The following ADAMTS2 variants were observed in gnomAD, a reference collection of about 807,000 sequenced individuals.
The protein encoded by ADAMTS2 is A disintegrin and metalloproteinase with thrombospondin motifs 2.
In ADAMTS2, 50 loss-of-function variants were observed where a neutral mutation model predicts 123.0. The ratio of observed to expected loss-of-function variants is 0.41; its 90% confidence interval spans 0.32 to 0.51. The LOEUF is 0.51. ADAMTS2 is among the 20% of genes least tolerant of loss of function. The pLI is 0.35. For missense variants in ADAMTS2, 1,494 were observed against 1,705.2 expected, an observed-to-expected ratio of 0.88 and a Z score of 2.18; for synonymous variants, 678 against 695.4, an observed-to-expected ratio of 0.98 and a Z score of 0.39.
At chr5:179,179,985 G>A (rs1764009794) in intron 5 of ADAMTS2, among the ~76,000 whole-genome samples, 1 of 152,160 alleles carries the variant, frequency 6.6e-6, no homozygotes, top group African/African-American at 2.4e-5. Context: ...GTCTGGGTAA[G>A]AAGCCTGACT....
chr5:179,210,009 G>A (rs1192213221), intron 3 of ADAMTS2, among the ~76,000 whole-genome samples: 3 of 152,220 alleles, frequency 2.0e-5, no homozygotes, highest in African/African-American at 2.4e-5. Context: ...TTGAGGTCAC[G>A]TGGTGCCATC....
intron 3 of ADAMTS2, among the ~76,000 whole-genome samples, chr5:179,263,061 G>A (rs1438272196): frequency 1.4e-5 from 2 of 147,232 alleles, no homozygotes; most frequent in African/African-American, 5.1e-5. Context: ...ATGATTTGGG[G>A]AGCAGCATTA....
chr5:179,266,493 C>T (rs574843228), intron 3 of ADAMTS2, among the ~76,000 whole-genome samples: 72 of 152,290 alleles, frequency 4.7e-4, no homozygotes, highest in African/African-American at 1.6e-3. Context: ...TGGGAGGGGC[C>T]AGGAATGGAT....
chr5:179,167,610 C>G (rs1183604018), intron 5 of ADAMTS2, among the ~76,000 whole-genome samples: 1 of 152,160 alleles, frequency 6.6e-6, no homozygotes, highest in Non-Finnish European at 1.5e-5. Flanking sequence ...GCTCTGCCTG[C>G]TGGGCAAGGC....
rs1766073104 is a variant in ADAMTS2 at position 179,257,000 on chromosome 5, G to A, written c.688+15911C>T. Reference sequence around the variant, plus strand: ...AGGCCAGGCCCACACTGGCGGCCCCGGCTGCCTGGCCCATCACTGGGGTCA... The same window carrying A: ...AGGCCAGGCCCACACTGGCGGCCCCAGCTGCCTGGCCCATCACTGGGGTCA... On this transcript the variant is annotated intron_variant, in intron 3 of 21. Transcript: ENST00000251582. The surrounding 1 kb of genome is among the most constrained non-coding windows in gnomAD (Gnocchi z 4.1). Among the ~76,000 whole-genome samples, 2 of 152,226 alleles carry A rather than the reference G, an allele frequency of 1.3e-5. No homozygotes were observed. Among genetic ancestry groups the A allele is most frequent in the South Asian group, 2.1e-4 (1 of 4,828 alleles).
chr5:179,126,123 C>T lies in ADAMTS2; in HGVS notation c.2625G>A (p.Gln875=), dbSNP rs1230245387. The T allele has an allele frequency of 6.2e-7, 1 of 1,613,284 alleles. No homozygotes were observed. Among genetic ancestry groups the T allele is most frequent in the Middle Eastern group, 1.6e-4 (1 of 6,062 alleles). The stretch of plus-strand genomic sequence containing the variant: ...TCCGGCGGCAGCCATACTTGGTGAA[C>T]TGGGACCCTGAAGGCAGAGAGCTCG... ...PCSKPCGGGS[Q]FTKYGCRRRL... The change falls in exon 18 of 22, where the codon CAG becomes CAA. Residue 875 remains glutamine, a synonymous_variant. Transcript: ENST00000251582.
At position 179,182,608 on chromosome 5, in the gene ADAMTS2, G is replaced by A. The variant is rs569134506; in HGVS notation, c.892-1453C>T. On this transcript the variant is annotated intron_variant, in intron 4 of 21. Coordinates refer to ENST00000251582, the MANE Select transcript of ADAMTS2 (RefSeq NM_014244.5). ...GCTGGGAACAAAGATGGCACCGATC[G>A]TGGGGCAGAGTTCATGACATGTGGA... Among the ~76,000 whole-genome samples the A allele has an allele frequency of 2.7e-3, 409 of 152,268 alleles. 3 individuals carry two copies. Among genetic ancestry groups the A allele is most frequent in the African/African-American group, 9.4e-3 (391 of 41,546 alleles).
chr5:179,311,538 C>T (rs1332884463), intron 2 of ADAMTS2, among the ~76,000 whole-genome samples: 1 of 152,212 alleles, frequency 6.6e-6, no homozygotes, highest in Non-Finnish European at 1.5e-5. Flanking sequence ...TCGCCCACTT[C>T]CTTGTAAGAT....
Position 179,162,562 on chromosome 5 carries a change from C to T in ADAMTS2, c.976-3683G>A, listed in dbSNP as rs542740155. ...GCTGTTGCACACCATACCGTATGGG[C>T]CCCTCCTGGGGCCGTCACCCATGTC... On this transcript the variant is annotated intron_variant, in intron 5 of 21. Transcript: ENST00000251582. The surrounding 1 kb of genome is among the most constrained non-coding windows in gnomAD (Gnocchi z 5.1). 2.6e-5 allele frequency among the ~76,000 whole-genome samples: 4 copies of T among 152,296 alleles called. No homozygotes were observed. Among genetic ancestry groups the T allele is most frequent in the East Asian group, 3.9e-4 (2 of 5,174 alleles).
At chr5:179,336,916 G>A (rs1757628728) in intron 2 of ADAMTS2, among the ~76,000 whole-genome samples, 1 of 152,200 alleles carries the variant, frequency 6.6e-6, no homozygotes, top group African/African-American at 2.4e-5. Context: ...GAGCCTGCCT[G>A]GCTTCAGCAG....
rs141654276 is a variant in ADAMTS2 at position 179,126,028 on chromosome 5, G to A, written c.2720C>T (p.Ala907Val). The A allele has an allele frequency of 1.2e-5, 20 of 1,613,336 alleles. No homozygotes were observed. The African/African-American group carries it at 2.0e-4, about 16-fold the overall frequency. The change falls in exon 18 of 22, where the codon GCG becomes GTG. Residue 907 changes from alanine to valine, a missense_variant. Physicochemically the swap from Ala to Val is moderately conservative, Grantham distance 64 (BLOSUM62 0). Transcript: ENST00000251582. ...CTGGGAGCATTCCTGTGGGTTGCAC[G>A]CTCTGCGGATGGCTTTGGGCTTCGA... ...ALSKPKAIRRACNPQECSQPV... is the reference protein window; with the variant it reads ...ALSKPKAIRRVCNPQECSQPV...
intron 3 of ADAMTS2, among the ~76,000 whole-genome samples, chr5:179,252,805 GTTTT>G (rs1408366497): frequency 6.6e-6 from 1 of 152,088 alleles, no homozygotes; most frequent in Admixed American, 6.6e-5. Context: ...TCTGTGCTGG[GTTTT>G]TTGTCTACTT....
chr5:179,277,085 G>A (rs554160937), intron 2 of ADAMTS2, among the ~76,000 whole-genome samples: 2 of 152,082 alleles, frequency 1.3e-5, no homozygotes, highest in African/African-American at 2.4e-5. Context: ...TCCTGGAAGG[G>A]CACCCCTGCA....
chr5:179,152,114 C>G lies in ADAMTS2; in HGVS notation c.1629+28G>C, dbSNP rs1386003696. 1.9e-6 allele frequency: 3 copies of G among 1,596,622 alleles called. No homozygotes were observed. In the South Asian group the frequency reaches 3.3e-5, roughly 18 times the overall value. On this transcript the variant is annotated intron_variant, in intron 10 of 21. Coordinates refer to ENST00000251582, the MANE Select transcript of ADAMTS2 (RefSeq NM_014244.5). ...AGATTCCTGTCCTCTGCCCTGCTGC[C>G]CTCCAAGAGCCCTTGATGCTGCCTC...
chr5:179,235,377 G>A (rs1474393146), intron 3 of ADAMTS2, among the ~76,000 whole-genome samples: 1 of 152,224 alleles, frequency 6.6e-6, no homozygotes, highest in Non-Finnish European at 1.5e-5. Flanking sequence ...AGCATGAAAT[G>A]CTCAGGGTGT....
At chr5:179,329,140 A>C (rs944060752) in intron 2 of ADAMTS2, among the ~76,000 whole-genome samples, 1 of 151,958 alleles carries the variant, frequency 6.6e-6, no homozygotes, top group African/African-American at 2.4e-5. Context: ...ATCCTGGCTA[A>C]CACGGTGAAA....
rs550659291 is a variant in ADAMTS2 at position 179,114,948 on chromosome 5, A to G, written c.3179-624T>C. 1.4e-4 allele frequency among the ~76,000 whole-genome samples: 22 copies of G among 152,332 alleles called. No individual in the cohort carries two copies. In the East Asian group the frequency reaches 3.9e-3, roughly 27 times the overall value. ...AAAGTTAAACATCACCCAAACCTGC[A>G]TGGGCTTTCTTATACTTGCCTCAAC... On this transcript the variant is annotated intron_variant, in intron 21 of 21. Transcript: ENST00000251582.
chr5:179,203,523 T>G (rs1764612313), intron 4 of ADAMTS2, among the ~76,000 whole-genome samples: 1 of 152,186 alleles, frequency 6.6e-6, no homozygotes, highest in Non-Finnish European at 1.5e-5. Flanking sequence ...CACTTGGGGT[T>G]GTGGTTCGAG....
intron 2 of ADAMTS2, among the ~76,000 whole-genome samples, chr5:179,328,068 G>A (rs540669478): frequency 3.9e-5 from 6 of 152,282 alleles, no homozygotes; most frequent in East Asian, 3.9e-4. Flanking sequence ...TCGCTCTGTC[G>A]CCCAGGCTGG....
Sources: gnomAD v4.1 joint callset for allele counts (sites outside exome capture counted in the v4.1 genomes callset) on GRCh38, gnomAD v4.1.1 for gene constraint, Gnocchi (gnomAD v3.1) non-coding constraint, MANE v1.5 for transcripts, NCBI Gene and HGNC (gene_info 2026-07-23, HGNC 2026-07-21) for gene names.